PPP2R2B: variants seen among roughly 807,000 people sequenced by gnomAD.
The protein encoded by PPP2R2B is protein phosphatase 2 regulatory subunit Bbeta.
In PPP2R2B, 5 loss-of-function variants were observed where a neutral mutation model predicts 46.0. That is an observed-to-expected ratio of 0.11 (90% CI 0.06 to 0.23). PPP2R2B has a LOEUF of 0.23. Among genes scored for constraint, PPP2R2B ranks in the 10% least tolerant of loss-of-function variants. The pLI, the probability that PPP2R2B is intolerant of heterozygous loss-of-function variation, is 1.00. For missense variants in PPP2R2B, 367 were observed against 575.0 expected (o/e 0.64, Z 3.70); for synonymous variants, 215 against 206.7 (o/e 1.04, Z -0.34).
chr5:146,857,291 A>G (rs953070678), intron 2 of PPP2R2B, among the ~76,000 whole-genome samples: 7 of 152,206 alleles, frequency 4.6e-5, no homozygotes, highest in Admixed American at 2.6e-4. Flanking sequence ...GAAACTATGA[A>G]AAAGGTGATA....
chr5:146,610,193 A>G (rs865817975), intron 7 of PPP2R2B, among the ~76,000 whole-genome samples: 10 of 32,830 alleles, frequency 3.0e-4, no homozygotes, highest in Non-Finnish European at 5.4e-4. Flanking sequence ...CTGACCCCTG[A>G]CCCCCGAGCA....
At chr5:147,029,443 T>A (rs1351670327) in intron 1 of PPP2R2B, among the ~76,000 whole-genome samples, 2 of 152,196 alleles carry the variant, frequency 1.3e-5, no homozygotes, top group East Asian at 3.9e-4. Flanking sequence ...AGATTGGCAA[T>A]CCATATAAAT....
chr5:146,591,470 A>G (rs1770647380), intron 9 of PPP2R2B, among the ~76,000 whole-genome samples: 2 of 152,210 alleles, frequency 1.3e-5, no homozygotes, highest in South Asian at 2.1e-4. Context: ...TTCAACTTCT[A>G]TTATCCCCTA....
At chr5:146,951,538 G>C (rs1048870528) in intron 1 of PPP2R2B, among the ~76,000 whole-genome samples, 2 of 151,852 alleles carry the variant, frequency 1.3e-5, no homozygotes, top group African/African-American at 4.8e-5. Context: ...ATAGGCCCCA[G>C]TGTGTTTTTC....
At chr5:146,905,986 T>A (rs1561509103) in intron 1 of PPP2R2B, among the ~76,000 whole-genome samples, 1 of 152,230 alleles carries the variant, frequency 6.6e-6, no homozygotes, top group South Asian at 2.1e-4. Flanking sequence ...AAAATTTAAA[T>A]GGAAATAAAA....
intron 1 of PPP2R2B, among the ~76,000 whole-genome samples, chr5:146,967,561 A>G (rs1260302751): frequency 2.6e-5 from 4 of 152,138 alleles, no homozygotes; most frequent in Non-Finnish European, 5.9e-5. Context: ...CTTCCAGGAT[A>G]CACTCCTAAG....
At chr5:146,680,327 T>C (rs1383375870) in intron 5 of PPP2R2B, among the ~76,000 whole-genome samples, 2 of 146,934 alleles carry the variant, frequency 1.4e-5, no homozygotes, top group Non-Finnish European at 3.0e-5. Flanking sequence ...TTCTCACTCA[T>C]AGGTGGGAAT....
chr5:146,873,516 C>CT (rs930152924), intron 2 of PPP2R2B, among the ~76,000 whole-genome samples: 1 of 152,096 alleles, frequency 6.6e-6, no homozygotes, highest in Admixed American at 6.6e-5. Flanking sequence ...CTTCTCCAGT[C>CT]TTTTTTTCCC....
At chr5:146,790,601 A>G (rs1354186602) in intron 2 of PPP2R2B, among the ~76,000 whole-genome samples, 1 of 152,230 alleles carries the variant, frequency 6.6e-6, no homozygotes, top group Non-Finnish European at 1.5e-5. Context: ...GAACAAGTAC[A>G]GAAAGATACC....
intron 8 of PPP2R2B, among the ~76,000 whole-genome samples, chr5:146,598,689 G>A (rs917518519): frequency 6.6e-5 from 10 of 152,092 alleles, no homozygotes; most frequent in South Asian, 6.2e-4. Context: ...GTTATATCCC[G>A]CATCAAATTT....
At chr5:146,634,992 T>C (rs1356618459) in intron 7 of PPP2R2B, among the ~76,000 whole-genome samples, 1 of 152,196 alleles carries the variant, frequency 6.6e-6, no homozygotes, top group South Asian at 2.1e-4. Context: ...GAACATCTTA[T>C]GTCTGCAGGC....
At chr5:146,592,178 G>A (rs1011675906) in intron 9 of PPP2R2B, 1 of 441,656 alleles carries the variant, frequency 2.3e-6, no homozygotes, top group Non-Finnish European at 4.5e-6. Flanking sequence ...TTGCCACGTG[G>A]AGACTCCTTC....
intron 7 of PPP2R2B, among the ~76,000 whole-genome samples, chr5:146,636,103 C>T (rs1353853568): frequency 6.6e-6 from 1 of 152,148 alleles, no homozygotes; most frequent in South Asian, 2.1e-4. Flanking sequence ...TCTAACTTTC[C>T]TACCTTTATT....
chr5:146,973,613 C>T (rs997489132), intron 1 of PPP2R2B, among the ~76,000 whole-genome samples: 3 of 152,110 alleles, frequency 2.0e-5, no homozygotes, highest in Non-Finnish European at 2.9e-5. Flanking sequence ...TAATTCCTCA[C>T]GTATAACTCA....
chr5:146,706,941 G>A, intron 2 of PPP2R2B: 1 of 1,102,142 alleles, frequency 9.1e-7, no homozygotes, highest in African/African-American at 1.5e-5. Flanking sequence ...TCATACAGCT[G>A]CCTGAGGAAG....
intron 1 of PPP2R2B, among the ~76,000 whole-genome samples, chr5:146,942,955 G>T (rs1048648552): frequency 3.3e-5 from 5 of 151,976 alleles, no homozygotes; most frequent in African/African-American, 1.2e-4. Flanking sequence ...CCGCCACCAC[G>T]CCTGACTAAT....
chr5:146,950,072 T>TCAA (rs1764604175), intron 1 of PPP2R2B, among the ~76,000 whole-genome samples: 1 of 151,894 alleles, frequency 6.6e-6, no homozygotes, highest in Non-Finnish European at 1.5e-5. Context: ...ATGATTACTG[T>TCAA]CAACAATAAT....
At chr5:146,796,045 T>A (rs932603836) in intron 2 of PPP2R2B, among the ~76,000 whole-genome samples, 2 of 152,160 alleles carry the variant, frequency 1.3e-5, no homozygotes, top group Non-Finnish European at 2.9e-5. Flanking sequence ...CTAATAAGCA[T>A]CTCTGTTTCA....
At chr5:146,875,139 C>T (rs904157607) in intron 2 of PPP2R2B, among the ~76,000 whole-genome samples, 1 of 152,188 alleles carries the variant, frequency 6.6e-6, no homozygotes, top group Non-Finnish European at 1.5e-5. Flanking sequence ...GTAACATCTT[C>T]AGACCTCAGT....
Sources: gnomAD v4.1 joint callset for allele counts (sites outside exome capture counted in the v4.1 genomes callset) on GRCh38, gnomAD v4.1.1 for gene constraint, MANE v1.5 for transcripts, NCBI Gene and HGNC (gene_info 2026-07-23, HGNC 2026-07-21) for gene names.